Variants in AFP observed in about 807,000 individuals in gnomAD.
The protein encoded by AFP is alpha-fetoprotein.
AFP carries 64 observed loss-of-function variants against 78.9 expected under a neutral mutation model. The ratio of observed to expected loss-of-function variants is 0.81; its 90% CI spans 0.66 to 1.00. AFP has a LOEUF of 1.00. Among genes scored for constraint, AFP ranks in the 50% least tolerant of loss-of-function variants. The probability of loss-of-function intolerance (pLI) is 0.00; values close to 1 mark genes in which losing one functional copy is unlikely to be tolerated. For synonymous variants in AFP, 254 were observed against 243.8 expected (o/e 1.04, Z -0.39); for missense variants, 689 against 703.8 (o/e 0.98, Z 0.24).
chr4:73,451,266 T>G (rs1379848895), intron 11 of AFP, among the ~76,000 whole-genome samples: 4 of 152,248 alleles, frequency 2.6e-5, no homozygotes, highest in Non-Finnish European at 5.9e-5. Context: ...ACAGGATAAG[T>G]ATTATGTTCT....
chr4:73,438,343 G>T, intron 3 of AFP, 37 bp downstream of exon 3: 2 of 1,584,598 alleles, frequency 1.3e-6, no homozygotes, highest in South Asian at 2.3e-5. Context: ...TGTGATATTT[G>T]ACAAAAATTT....
rs572476298 is a variant in AFP, at chr4:73,456,035, G to A, written c.*415G>A. 7 of 174,044 alleles carry A rather than the reference G, an allele frequency of 4.0e-5. No homozygotes were observed. The highest frequency in any genetic ancestry group is 1.6e-4 in the African/African-American group (7 of 42,442). The allele number at this position is 174,044 out of a possible 1,614,324, so 10.8% of individuals were successfully genotyped here. A position where few individuals can be genotyped will look rare whatever the true frequency, so the allele number is the denominator to read the frequency against. ...CTGAAGTATTCTAACAGATAATCTGGAGATGAGAAAAGAAATTATTATTCT... is the reference window on the plus strand; with the variant it reads ...CTGAAGTATTCTAACAGATAATCTGAAGATGAGAAAAGAAATTATTATTCT... On this transcript the variant is annotated 3_prime_UTR_variant, in exon 15 of 15. Transcript: ENST00000395792.
chr4:73,450,749 G>T lies in AFP; in HGVS notation c.1424G>T (p.Gly475Val). ...SEDKLLACGE[G>V]AADIIIGHLC... Reference sequence around the variant, plus strand: ...GACAAACTATTGGCCTGTGGCGAGGGAGCGGTGAGTGTCTGCTTGGTTTGG... The same window carrying T: ...GACAAACTATTGGCCTGTGGCGAGGTAGCGGTGAGTGTCTGCTTGGTTTGG... Residue 475 changes from glycine to valine, a missense_variant, in exon 11 of 15, where the codon GGA (glycine) becomes GTA (valine). By Grantham distance (109) the Gly-to-Val change is moderately radical. Coordinates refer to ENST00000395792, the MANE Select transcript of AFP (RefSeq NM_001134.3). 1 of 1,614,078 alleles carries T rather than the reference G, an allele frequency of 6.2e-7. No individual in the cohort carries two copies. The highest frequency in any genetic ancestry group is 1.1e-5 in the South Asian group (1 of 91,070).
intron 12 of AFP, chr4:73,453,415 A>T (rs913236667): frequency 1.1e-5 from 3 of 271,132 alleles, no homozygotes; most frequent in African/African-American, 6.7e-5. Flanking sequence ...GATGGGCAGG[A>T]TTCGGAGATC....
At chr4:73,448,068 G>A (rs754907927) in intron 8 of AFP, among the ~76,000 whole-genome samples, 4 of 151,932 alleles carry the variant, frequency 2.6e-5, no homozygotes, top group East Asian at 3.9e-4. Context: ...CTCTTGCTAC[G>A]CATGTTAAAA....
At chr4:73,437,424 C>G (rs1018696792) in intron 2 of AFP, among the ~76,000 whole-genome samples, 1 of 152,016 alleles carries the variant, frequency 6.6e-6, no homozygotes, top group Non-Finnish European at 1.5e-5. Flanking sequence ...TCCTTGAAAT[C>G]TCATGAGTCA....
At position 73,442,354 on chromosome 4, in the gene AFP, T is replaced by G. The variant is rs1246163621; in HGVS notation, c.541T>G (p.Trp181Gly). Residue 181 changes from tryptophan to glycine, a missense_variant, in exon 5 of 15, where the codon TGG becomes GGG. Transcript: ENST00000395792. ...CCTGTATGCACCTACAATTCTTCTT[T>G]GGGCTGCTCGCTATGACAAAATAAT... ...PFLYAPTILL[W>G]AARYDKIIPS... is the part of the protein sequence containing the mutation. The G allele has an allele frequency of 6.2e-7, 1 of 1,614,038 alleles. No individual in the cohort carries two copies.
intron 7 of AFP, among the ~76,000 whole-genome samples, chr4:73,446,188 C>T (rs998555429): frequency 2.0e-5 from 3 of 152,168 alleles, no homozygotes; most frequent in East Asian, 1.9e-4. Flanking sequence ...GCCTGGCAGG[C>T]GACTGTACTA....
At chr4:73,439,855 A>G (rs1353939376) in intron 3 of AFP, among the ~76,000 whole-genome samples, 2 of 152,190 alleles carry the variant, frequency 1.3e-5, no homozygotes, top group African/African-American at 4.8e-5. Flanking sequence ...TGAAAATAAT[A>G]TGCAGTTTTT....
chr4:73,450,197 A>G, intron 10 of AFP, 64 bp downstream of exon 10: 1 of 1,283,986 alleles, frequency 7.8e-7, no homozygotes, highest in South Asian at 1.3e-5. Context: ...AGCCTTCCCC[A>G]TTCTCCTCCT....
rs115296826 is a variant in AFP, at chr4:73,440,219, C to T, written c.271-383C>T. ...CCTAATGCTCTCCCTCCCTGCACTCCACTCCCTGACAGGCCCCAGTGTGTG... is the reference window on the plus strand; with the variant it reads ...CCTAATGCTCTCCCTCCCTGCACTCTACTCCCTGACAGGCCCCAGTGTGTG... On this transcript the variant is annotated intron_variant, in intron 3 of 14. Coordinates refer to ENST00000395792, the MANE Select transcript of AFP (RefSeq NM_001134.3). 5.5e-3 allele frequency among the ~76,000 whole-genome samples: 838 copies of T among 152,174 alleles called. 7 individuals are homozygous for T. Among genetic ancestry groups the T allele is most frequent in the African/African-American group, 0.016 (684 of 41,520 alleles).
intron 13 of AFP, among the ~76,000 whole-genome samples, chr4:73,454,317 T>C (rs1720098968): frequency 6.6e-6 from 1 of 152,078 alleles, no homozygotes; most frequent in Non-Finnish European, 1.5e-5. Context: ...AGAAGCTTGC[T>C]TTTGTACATC....
intron 12 of AFP, among the ~76,000 whole-genome samples, chr4:73,453,103 T>C (rs1452901174): frequency 6.6e-6 from 1 of 152,226 alleles, no homozygotes; most frequent in East Asian, 1.9e-4. Context: ...AGCTCTTTTG[T>C]AATGGTGATG....
At chr4:73,452,818 A>G (rs1385549811) in intron 12 of AFP, among the ~76,000 whole-genome samples, 194 bp downstream of exon 12, 4 of 152,158 alleles carry the variant, frequency 2.6e-5, no homozygotes, top group African/African-American at 4.8e-5. Flanking sequence ...AGAAAAATTG[A>G]CGAGGGTGGA....
chr4:73,438,442 T>C (rs1719574388), intron 3 of AFP, 136 bp downstream of exon 3: 1 of 1,018,796 alleles, frequency 9.8e-7, no homozygotes, highest in East Asian at 2.6e-5. Context: ...ATTAGATTCA[T>C]TCTGAATTGC....
chr4:73,441,895 T>C (rs1052775227), intron 4 of AFP, among the ~76,000 whole-genome samples: 4 of 152,214 alleles, frequency 2.6e-5, no homozygotes, highest in African/African-American at 9.6e-5. Flanking sequence ...TCCAGGTGCA[T>C]AACCCCATTC....
intron 8 of AFP, among the ~76,000 whole-genome samples, chr4:73,448,711 G>A (rs1333613902): frequency 1.3e-5 from 2 of 152,064 alleles, no homozygotes; most frequent in East Asian, 1.9e-4. Context: ...CAGTTGCAAA[G>A]GTTCTTTGCA....
chr4:73,453,318 T>C (rs1720060615), intron 12 of AFP, among the ~76,000 whole-genome samples: 1 of 152,226 alleles, frequency 6.6e-6, no homozygotes, highest in Non-Finnish European at 1.5e-5. Flanking sequence ...TCTATTGCTC[T>C]GGTCTAAGTC....
At chr4:73,455,211 G>T in intron 13 of AFP, 25 bp from the exon 14 acceptor site, 2 of 1,578,140 alleles carry the variant, frequency 1.3e-6, no homozygotes, top group South Asian at 2.2e-5. Context: ...TTCTTTATCT[G>T]ATTATGTTTA....
Sources: allele counts gnomAD v4.1 joint callset (sites outside exome capture counted in the v4.1 genomes callset), GRCh38; gene constraint gnomAD v4.1.1; transcripts MANE v1.5; gene names NCBI Gene and HGNC (gene_info 2026-07-23, HGNC 2026-07-21).